APP: variants seen among roughly 807,000 people sequenced by gnomAD.
The protein encoded by APP is amyloid-beta precursor protein.
APP carries 31 observed loss-of-function variants against 101.4 expected under a neutral mutation model. The observed-to-expected ratio is 0.31, with a 90% CI of 0.23 to 0.41. The LOEUF is 0.41. APP is among the 10% of genes least tolerant of loss of function. APP has a pLI of 1.00. For synonymous variants in APP, 366 were observed against 364.4 expected, an observed-to-expected ratio of 1.00 and a Z score of -0.05; for missense variants, 839 against 1,003.7, an observed-to-expected ratio of 0.84 and a Z score of 2.22.
At chr21:26,082,531 G>A (rs1307291308) in intron 3 of APP, among the ~76,000 whole-genome samples, 1 of 152,156 alleles carries the variant, frequency 6.6e-6, no homozygotes, top group East Asian at 1.9e-4. Context: ...ATAAATGAAT[G>A]AAAACAGTAA....
At chr21:26,125,723 T>C (rs2062669134) in intron 1 of APP, among the ~76,000 whole-genome samples, 1 of 152,202 alleles carries the variant, frequency 6.6e-6, no homozygotes, top group South Asian at 2.1e-4. Flanking sequence ...CCCTGATTTA[T>C]TAGCAAACAT....
intron 17 of APP, among the ~76,000 whole-genome samples, chr21:25,887,522 A>AG (rs2037408211): frequency 1.1e-3 from 112 of 103,870 alleles, no homozygotes; most frequent in African/African-American, 3.9e-3. Flanking sequence ...TATTTGAAAA[A>AG]AAAAAAAAAA....
intron 2 of APP, among the ~76,000 whole-genome samples, chr21:26,105,433 A>C (rs1174553629): frequency 6.6e-6 from 1 of 152,182 alleles, no homozygotes. Flanking sequence ...ACCTGTGAGA[A>C]GGAAACGTGG....
intron 1 of APP, among the ~76,000 whole-genome samples, chr21:26,145,703 C>T (rs761264777): frequency 1.2e-4 from 19 of 152,112 alleles, no homozygotes; most frequent in East Asian, 3.9e-4. Context: ...TTCTCATTGC[C>T]CAGAGTCAGA....
At chr21:25,951,162 G>C (rs142651894) in intron 13 of APP, among the ~76,000 whole-genome samples, 1 of 152,152 alleles carries the variant, frequency 6.6e-6, no homozygotes, top group Non-Finnish European at 1.5e-5. Context: ...GAACTCACAA[G>C]CATGATGAAC....
At chr21:26,026,803 C>G (rs1030418023) in intron 5 of APP, among the ~76,000 whole-genome samples, 1 of 152,124 alleles carries the variant, frequency 6.6e-6, no homozygotes, top group Non-Finnish European at 1.5e-5. Context: ...TCCAAACTCA[C>G]AGAATAAACA....
intron 3 of APP, among the ~76,000 whole-genome samples, chr21:26,083,374 A>C (rs1206712224): frequency 6.6e-6 from 1 of 152,254 alleles, no homozygotes; most frequent in Non-Finnish European, 1.5e-5. Flanking sequence ...AAGAATATTT[A>C]ATTTCACAGG....
chr21:25,997,439 T>A, intron 7 of APP, 23 bp from the exon 8 acceptor site: 2 of 1,595,450 alleles, frequency 1.3e-6, no homozygotes, highest in Non-Finnish European at 1.7e-6. Flanking sequence ...TAAGAGAACA[T>A]AACTAAAAAC....
intron 1 of APP, among the ~76,000 whole-genome samples, chr21:26,155,948 C>T (rs533017252): frequency 2.7e-5 from 4 of 150,470 alleles, no homozygotes; most frequent in African/African-American, 9.9e-5. Flanking sequence ...TTGCAGTGAG[C>T]CGAGACCGTG....
chr21:26,118,743 G>A lies in APP; in HGVS notation c.58-6597C>T, dbSNP rs7278761. Among the ~76,000 whole-genome samples the A allele has an allele frequency of 5.8e-3, 874 of 151,950 alleles. 9 individuals carry two copies. Among genetic ancestry groups the A allele is most frequent in the African/African-American group, 0.019 (796 of 41,454 alleles). On this transcript the variant is annotated intron_variant, in intron 1 of 17. Transcript: ENST00000346798. ...AATTTTTGTATTTTTTAGTAGAGACGGGTTTTTGCCATGTTGCCACTCCTG... is the reference window on the plus strand; with the variant it reads ...AATTTTTGTATTTTTTAGTAGAGACAGGTTTTTGCCATGTTGCCACTCCTG...
intron 17 of APP, among the ~76,000 whole-genome samples, chr21:25,887,493 T>C (rs960098796): frequency 7.9e-6 from 1 of 127,260 alleles, no homozygotes; most frequent in Non-Finnish European, 1.6e-5. Flanking sequence ...GTAAATTCAG[T>C]AAGTCAATAT....
intron 6 of APP, among the ~76,000 whole-genome samples, chr21:26,017,629 T>C (rs1464893744): frequency 4.2e-5 from 2 of 47,140 alleles, no homozygotes; most frequent in Non-Finnish European, 7.9e-5. Flanking sequence ...GGAAGAAATG[T>C]CCAGTTCCTC....
intron 3 of APP, among the ~76,000 whole-genome samples, chr21:26,078,294 C>A (rs1042831666): frequency 1.3e-5 from 2 of 152,022 alleles, no homozygotes; most frequent in Non-Finnish European, 2.9e-5. Flanking sequence ...ATATGCTGTA[C>A]CTAATTCACA....
intron 1 of APP, among the ~76,000 whole-genome samples, chr21:26,154,469 T>A (rs978752969): frequency 6.6e-6 from 1 of 152,204 alleles, no homozygotes; most frequent in African/African-American, 2.4e-5. Context: ...CATATATGTA[T>A]AATACTAGTC....
At chr21:26,171,074 C>G (rs565848312), upstream of APP, 2 of 155,108 alleles carry the variant, frequency 1.3e-5, no homozygotes, top group Non-Finnish European at 2.9e-5. Flanking sequence ...GACGCTGAGG[C>G]TCTAGAAAAG....
intron 3 of APP, among the ~76,000 whole-genome samples, chr21:26,080,791 A>C (rs889516526): frequency 1.3e-5 from 2 of 151,974 alleles, no homozygotes; most frequent in Non-Finnish European, 2.9e-5. Flanking sequence ...AAAAGAAAAA[A>C]AAATCCTGCT....
intron 3 of APP, among the ~76,000 whole-genome samples, chr21:26,080,073 G>A (rs1385311997): frequency 6.6e-6 from 1 of 151,032 alleles, no homozygotes; most frequent in East Asian, 2.0e-4. Context: ...GCAGTGAGCC[G>A]AGATCTCACC....
intron 5 of APP, among the ~76,000 whole-genome samples, chr21:26,046,684 C>T (rs2045625049): frequency 6.6e-6 from 1 of 152,128 alleles, no homozygotes. Context: ...AATGTGAGTA[C>T]CTCCTCTGCA....
At chr21:26,081,342 T>A (rs537263157) in intron 3 of APP, among the ~76,000 whole-genome samples, 8 of 147,752 alleles carry the variant, frequency 5.4e-5, no homozygotes, top group Non-Finnish European at 7.4e-5. Context: ...TAGGGCCATT[T>A]TGTAAGATTC....
Sources: gnomAD v4.1 joint callset for allele counts (sites outside exome capture counted in the v4.1 genomes callset) on GRCh38, gnomAD v4.1.1 for gene constraint, MANE v1.5 for transcripts, NCBI Gene and HGNC (gene_info 2026-07-23, HGNC 2026-07-21) for gene names.